The following CDK19 variants were observed in gnomAD, a reference collection of about 807,000 sequenced individuals.
CDK19 encodes the protein cyclin-dependent kinase 19.
In CDK19, 20 loss-of-function variants were observed where a neutral mutation model predicts 68.3. That is an observed-to-expected ratio of 0.29 (90% confidence interval 0.21 to 0.43). The LOEUF is 0.43. Ranked by LOEUF, CDK19 falls within the 20% of genes least tolerant of loss-of-function variation. The pLI is 1.00. For synonymous variants in CDK19, 221 were observed against 222.8 expected (o/e 0.99, Z 0.07); for missense variants, 339 against 623.5 (o/e 0.54, Z 4.86).
At chr6:110,760,126 TG>T (rs1779131300) in intron 1 of CDK19, among the ~76,000 whole-genome samples, 1 of 152,038 alleles carries the variant, frequency 6.6e-6, no homozygotes, top group Non-Finnish European at 1.5e-5. Context: ...CCAGGCGCGG[TG>T]CATCACACTT....
chr6:110,814,894 C>A (rs755273819), intron 1 of CDK19, 115 bp downstream of exon 1: 218 of 1,402,284 alleles, frequency 1.6e-4, no homozygotes, highest in Non-Finnish European at 2.0e-4. Flanking sequence ...ACCCCGCGAC[C>A]CCCTCCGCCT....
chr6:110,617,660 T>TACACACACAC (rs1317691490), intron 12 of CDK19, among the ~76,000 whole-genome samples: 2 of 66,828 alleles, frequency 3.0e-5, no homozygotes, highest in East Asian at 4.2e-4. Context: ...TTTATATATA[T>TACACACACAC]ATACACACAC....
At chr6:110,678,883 C>T (rs887605069) in intron 2 of CDK19, among the ~76,000 whole-genome samples, 1 of 152,226 alleles carries the variant, frequency 6.6e-6, no homozygotes, top group Non-Finnish European at 1.5e-5. Flanking sequence ...ACTGACTTCC[C>T]TCCCCAATAG....
chr6:110,727,635 TCTGC>T, intron 2 of CDK19, among the ~76,000 whole-genome samples: 1 of 20,954 alleles, frequency 4.8e-5, no homozygotes, highest in Non-Finnish European at 2.3e-4. Flanking sequence ...AAAATCTCTG[TCTGC>T]CCTCTCCATC....
chr6:110,796,991 C>G (rs1193990260), intron 1 of CDK19, among the ~76,000 whole-genome samples: 1 of 135,368 alleles, frequency 7.4e-6, no homozygotes, highest in African/African-American at 2.9e-5. Flanking sequence ...GCCGAGGCAA[C>G]AGAGCAAAAC....
chr6:110,798,547 C>A (rs776343788), intron 1 of CDK19, among the ~76,000 whole-genome samples: 4 of 150,848 alleles, frequency 2.7e-5, no homozygotes, highest in Non-Finnish European at 5.9e-5. Flanking sequence ...ATCCCTTGAA[C>A]CCGGGAGACA....
intron 1 of CDK19, among the ~76,000 whole-genome samples, chr6:110,768,624 C>G (rs1024531071): frequency 6.6e-6 from 1 of 151,918 alleles, no homozygotes. Context: ...GTGCAAGAAG[C>G]CAACCTGAAA....
intron 1 of CDK19, among the ~76,000 whole-genome samples, chr6:110,747,133 T>C (rs1381005437): frequency 6.6e-6 from 1 of 152,232 alleles, no homozygotes; most frequent in Non-Finnish European, 1.5e-5. Flanking sequence ...CATGTCATGA[T>C]GTTTTTGTCA....
At chr6:110,666,959 G>GTA (rs922743141) in intron 4 of CDK19, among the ~76,000 whole-genome samples, 5 of 151,870 alleles carry the variant, frequency 3.3e-5, no homozygotes, top group Admixed American at 3.3e-4. Flanking sequence ...TGCCTAATAA[G>GTA]TATATACCAC....
chr6:110,795,815 T>C (rs1174641135), intron 1 of CDK19, among the ~76,000 whole-genome samples: 4 of 152,088 alleles, frequency 2.6e-5, no homozygotes, highest in Admixed American at 6.5e-5. Flanking sequence ...TATAAGAGTA[T>C]AAACATCCAC....
chr6:110,653,153 C>T (rs941712984), intron 4 of CDK19, among the ~76,000 whole-genome samples: 1 of 152,148 alleles, frequency 6.6e-6, no homozygotes, highest in African/African-American at 2.4e-5. Flanking sequence ...TAATCACCAT[C>T]AAAGTGTGTT....
chr6:110,810,389 T>C (rs538493680), intron 1 of CDK19, among the ~76,000 whole-genome samples: 1 of 152,296 alleles, frequency 6.6e-6, no homozygotes, highest in African/African-American at 2.4e-5. Flanking sequence ...ATTTGGATCT[T>C]GGACTATAGT....
chr6:110,633,514 C>G (rs1779576970), intron 5 of CDK19, among the ~76,000 whole-genome samples: 3 of 152,088 alleles, frequency 2.0e-5, no homozygotes, highest in African/African-American at 7.2e-5. Context: ...TGCATGTTTT[C>G]AAGAGCATAC....
At chr6:110,664,862 T>C (rs1781827334) in intron 4 of CDK19, among the ~76,000 whole-genome samples, 1 of 152,168 alleles carries the variant, frequency 6.6e-6, no homozygotes, top group South Asian at 2.1e-4. Context: ...ACATTTGTGT[T>C]GGGCCCTGAA....
At chr6:110,782,208 C>A (rs755988254) in intron 1 of CDK19, among the ~76,000 whole-genome samples, 14 of 152,292 alleles carry the variant, frequency 9.2e-5, no homozygotes, top group Non-Finnish European at 1.8e-4. Context: ...ACTTTCCACT[C>A]TGAAATTATG....
chr6:110,792,894 G>A (rs1009599464), intron 1 of CDK19, among the ~76,000 whole-genome samples: 11 of 152,110 alleles, frequency 7.2e-5, no homozygotes, highest in Admixed American at 3.3e-4. Context: ...ATGCTTTGCT[G>A]GAGACTTTTA....
chr6:110,759,022 G>C (rs942875681), intron 1 of CDK19, among the ~76,000 whole-genome samples: 1 of 152,056 alleles, frequency 6.6e-6, no homozygotes, highest in African/African-American at 2.4e-5. Flanking sequence ...AGCACTTAGG[G>C]AGGCCATGGC....
At chr6:110,706,411 TTTTG>T (rs1238323377) in intron 2 of CDK19, 2 of 86,208 alleles carry the variant, frequency 2.3e-5, no homozygotes, top group African/African-American at 7.7e-5. Context: ...GTTGTTTTTT[TTTTG>T]TTTGTTTTTT....
intron 2 of CDK19, among the ~76,000 whole-genome samples, chr6:110,723,405 G>A (rs1184009847): frequency 6.6e-6 from 1 of 152,024 alleles, no homozygotes; most frequent in African/African-American, 2.4e-5. Context: ...CCTTTCAGAG[G>A]GCACAACTTG....
Sources: gnomAD v4.1 joint callset for allele counts (sites outside exome capture counted in the v4.1 genomes callset) on GRCh38, gnomAD v4.1.1 for gene constraint, MANE v1.5 for transcripts, NCBI Gene and HGNC (gene_info 2026-07-23, HGNC 2026-07-21) for gene names.